GLRA3: variants seen among roughly 807,000 people sequenced by gnomAD.
GLRA3 encodes the protein glycine receptor subunit alpha-3.
In GLRA3, 44 loss-of-function variants were observed where a neutral mutation model predicts 60.4. That is an observed-to-expected ratio of 0.73 (90% confidence interval 0.57 to 0.94). The LOEUF is 0.94. GLRA3 is among the 40% of genes least tolerant of loss of function. The pLI, the probability that GLRA3 is intolerant of heterozygous loss-of-function variation, is 0.00. For missense variants in GLRA3, 508 were observed against 564.6 expected (o/e 0.90, Z 1.02); for synonymous variants, 223 against 192.9 (o/e 1.16, Z -1.29).
intron 7 of GLRA3, among the ~76,000 whole-genome samples, chr4:174,674,433 T>C (rs979533702): frequency 1.3e-5 from 2 of 152,194 alleles, no homozygotes; most frequent in Non-Finnish European, 2.9e-5. Context: ...GGAGTGTTCT[T>C]GCTTTGAGAG....
chr4:174,696,026 A>G (rs945401165), intron 5 of GLRA3, among the ~76,000 whole-genome samples: 21 of 152,136 alleles, frequency 1.4e-4, no homozygotes, highest in African/African-American at 5.1e-4. Flanking sequence ...ATACCTAGGA[A>G]TAACCAGGGA....
intron 7 of GLRA3, among the ~76,000 whole-genome samples, chr4:174,672,081 A>G (rs933189897): frequency 3.3e-5 from 5 of 152,174 alleles, no homozygotes; most frequent in African/African-American, 1.2e-4. Context: ...TGCAATCTCC[A>G]CAGGCTACCA....
intron 1 of GLRA3, among the ~76,000 whole-genome samples, chr4:174,821,632 T>A (rs1375683413): frequency 6.6e-6 from 1 of 152,116 alleles, no homozygotes; most frequent in South Asian, 2.1e-4. Context: ...TTACAAAAAA[T>A]GTCTACAAAA....
At chr4:174,731,383 C>G (rs964949435) in intron 3 of GLRA3, among the ~76,000 whole-genome samples, 1 of 152,068 alleles carries the variant, frequency 6.6e-6, no homozygotes. Context: ...AAGAGAAGTC[C>G]TAATAACTAG....
At chr4:174,684,627 T>C (rs1734483479) in intron 5 of GLRA3, among the ~76,000 whole-genome samples, 2 of 152,222 alleles carry the variant, frequency 1.3e-5, no homozygotes, top group Non-Finnish European at 1.5e-5. Context: ...TGTTGTTACT[T>C]TGATCAATGA....
intron 1 of GLRA3, among the ~76,000 whole-genome samples, chr4:174,826,871 T>C (rs945118613): frequency 1.6e-4 from 15 of 95,274 alleles, no homozygotes; most frequent in Non-Finnish European, 3.3e-4. Context: ...TAGAGGGAGC[T>C]TCCTTTTTTT....
chr4:174,777,266 T>C (rs1385285511), intron 2 of GLRA3, among the ~76,000 whole-genome samples: 1 of 152,194 alleles, frequency 6.6e-6, no homozygotes, highest in African/African-American at 2.4e-5. Context: ...TGCAAACTTC[T>C]GAGCTAGAAT....
chr4:174,643,324 T>C lies in GLRA3; in HGVS notation c.*462A>G. On this transcript the variant is annotated 3_prime_UTR_variant, in exon 10 of 10. Coordinates refer to ENST00000274093, the MANE Select transcript of GLRA3 (RefSeq NM_006529.4). ...CCATTAATATGAGTGAATTTCCCAC[T>C]GTAACTAATTATTTTCCCATTTTGT... The C allele has an allele frequency of 1.7e-6, 1 of 583,190 alleles. No individual in the cohort carries two copies. Among genetic ancestry groups the C allele is most frequent in the South Asian group, 8.5e-5 (1 of 11,754 alleles). 36.1% of individuals were successfully genotyped at this position (583,190 alleles called of 1,614,324 possible).
chr4:174,676,403 G>T (rs1438096107), intron 7 of GLRA3, among the ~76,000 whole-genome samples: 1 of 149,978 alleles, frequency 6.7e-6, no homozygotes, highest in Non-Finnish European at 1.5e-5. Flanking sequence ...TAGTATAATT[G>T]GTATATTTCT....
intron 5 of GLRA3, among the ~76,000 whole-genome samples, chr4:174,698,480 T>C (rs1179389721): frequency 6.6e-6 from 1 of 152,176 alleles, no homozygotes; most frequent in African/African-American, 2.4e-5. Flanking sequence ...TGAGCCACCA[T>C]GCTGTGCCTG....
chr4:174,688,317 TCATATATATATATATATATATATA>T (rs1207790651), intron 5 of GLRA3, among the ~76,000 whole-genome samples: 1,040 of 71,334 alleles, frequency 0.015, 49 homozygotes, highest in African/African-American at 0.051. Flanking sequence ...TTACCTGACA[TCATATATATATATATATATATATA>T]TATATATATA....
intron 3 of GLRA3, among the ~76,000 whole-genome samples, chr4:174,743,902 G>T (rs1293797657): frequency 6.6e-6 from 1 of 151,560 alleles, no homozygotes; most frequent in Non-Finnish European, 1.5e-5. Context: ...TACAGAACAG[G>T]ACCCCCTCTC....
chr4:174,668,751 A>G (rs370784753), intron 7 of GLRA3, among the ~76,000 whole-genome samples: 1 of 152,156 alleles, frequency 6.6e-6, no homozygotes, highest in Non-Finnish European at 1.5e-5. Flanking sequence ...TAGGAACTCT[A>G]TAAGGTAAAT....
intron 1 of GLRA3, among the ~76,000 whole-genome samples, chr4:174,804,695 A>G (rs1307169166): frequency 6.6e-6 from 1 of 152,168 alleles, no homozygotes; most frequent in Non-Finnish European, 1.5e-5. Flanking sequence ...GAAATTTAAT[A>G]GGCGAAAGCA....
At chr4:174,776,728 A>C (rs1248439026) in intron 2 of GLRA3, among the ~76,000 whole-genome samples, 2 of 152,184 alleles carry the variant, frequency 1.3e-5, no homozygotes, top group Admixed American at 6.6e-5. Flanking sequence ...ACACTTGTAG[A>C]CATTTTTTTA....
intron 3 of GLRA3, among the ~76,000 whole-genome samples, chr4:174,739,215 G>C (rs761021229): frequency 1.3e-5 from 2 of 152,162 alleles, no homozygotes; most frequent in East Asian, 1.9e-4. Context: ...CAAGAAGTAG[G>C]TTGCAAGGAT....
chr4:174,804,355 C>T lies in GLRA3; in HGVS notation c.72-15412G>A, dbSNP rs111543965. Among the ~76,000 whole-genome samples, 1,004 of 152,198 alleles carry T rather than the reference C, an allele frequency of 6.6e-3. 12 individuals carry two copies. Among genetic ancestry groups the T allele is most frequent in the African/African-American group, 0.023 (960 of 41,528 alleles). The stretch of plus-strand genomic sequence containing the variant: ...TAACAAATGAGGCTGGAGAGCACTA[C>T]AAGTACCTGATCATGTAGTGCCTTA... On this transcript the variant is annotated intron_variant, in intron 1 of 9. Transcript: ENST00000274093.
chr4:174,706,617 A>C (rs540553067), intron 5 of GLRA3, among the ~76,000 whole-genome samples: 29 of 152,334 alleles, frequency 1.9e-4, no homozygotes, highest in Non-Finnish European at 3.7e-4. Flanking sequence ...CTCGGGTTCT[A>C]TAAGAATAGA....
chr4:174,637,301 T>C lies in GLRA3; in HGVS notation c.*6485A>G, dbSNP rs1358166952. On this transcript the variant is annotated 3_prime_UTR_variant, in exon 10 of 10. Coordinates refer to ENST00000274093, the MANE Select transcript of GLRA3 (RefSeq NM_006529.4). ...ATATAAAGATGGTACATGGAAAATA[T>C]ATGGCACATTTTCTTTTTGTTTTGT... 3 of 152,210 alleles carry C rather than the reference T, an allele frequency of 2.0e-5. No individual in the cohort carries two copies. Among genetic ancestry groups the C allele is most frequent in the Non-Finnish European group, 4.4e-5 (3 of 68,040 alleles). 9.4% of individuals were successfully genotyped at this position (152,210 alleles called of 1,614,324 possible).
Sources: allele counts gnomAD v4.1 joint callset (sites outside exome capture counted in the v4.1 genomes callset), GRCh38; gene constraint gnomAD v4.1.1; transcripts MANE v1.5; gene names NCBI Gene and HGNC (gene_info 2026-07-23, HGNC 2026-07-21).